Variants in COMMD4 observed in about 807,000 individuals in gnomAD.
COMMD4 encodes COMM domain containing 4.
A neutral mutation model predicts 27.5 loss-of-function variants in COMMD4; 18 were observed. That is an observed-to-expected ratio of 0.65 (90% CI 0.45 to 0.97). The LOEUF is 0.97. Ranked by LOEUF, COMMD4 falls within the 50% of genes least tolerant of loss-of-function variation. The pLI is 0.00. For synonymous variants in COMMD4, 108 were observed against 108.4 expected (o/e 1.00, Z 0.02); for missense variants, 243 against 250.0 (o/e 0.97, Z 0.19).
At position 75,336,068 on chromosome 15, in the gene COMMD4, C is replaced by A; in HGVS notation, c.-22C>A. 4 of 1,549,694 alleles carry A rather than the reference C, an allele frequency of 2.6e-6. No individual in the cohort carries two copies. Among genetic ancestry groups the A allele is most frequent in the African/African-American group, 1.4e-5 (1 of 73,094 alleles). On this transcript the variant is annotated 5_prime_UTR_variant, in exon 1 of 8. Transcript: ENST00000267935. ...CTGCGGGACCGGAAAAAGAAATTCC[C>A]GGGCCCTGGCTTCTTGGCGCGATGG...
In COMMD4 at chr15:75,339,066, C is replaced by T; in HGVS notation, c.263C>T (p.Ser88Phe). ...SAAKHSVDGE[S>F]LSSELQQLGL... is the part of the protein sequence containing the mutation. Reference sequence around the variant, plus strand: ...GCCAAGCACAGTGTCGATGGCGAATCCTTGTCCAGTGAACTGCAGCAGCTG... The same window carrying T: ...GCCAAGCACAGTGTCGATGGCGAATTCTTGTCCAGTGAACTGCAGCAGCTG... The change falls in exon 5 of 8, where the codon TCC (serine) becomes TTC (phenylalanine). Residue 88 changes from serine to phenylalanine, a missense_variant. Ser to Phe is a radical substitution (Grantham distance 155). Transcript: ENST00000267935. The T allele has an allele frequency of 6.2e-7, 1 of 1,613,782 alleles. No individual in the cohort carries two copies. Among genetic ancestry groups the T allele is most frequent in the Admixed American group, 1.7e-5 (1 of 60,028 alleles).
Position 75,336,064 on chromosome 15 carries a change from T to C in COMMD4, c.-26T>C. ...GACCCTGCGGGACCGGAAAAAGAAA[T>C]TCCCGGGCCCTGGCTTCTTGGCGCG... is the stretch of plus-strand genomic sequence containing the variant. On this transcript the variant is annotated 5_prime_UTR_variant, in exon 1 of 8. Coordinates refer to ENST00000267935, the MANE Select transcript of COMMD4 (RefSeq NM_017828.5). 1 of 1,549,566 alleles carries C rather than the reference T, an allele frequency of 6.5e-7. No homozygotes were observed. The highest frequency in any genetic ancestry group is 8.7e-7 in the Non-Finnish European group (1 of 1,146,784).
In COMMD4 at chr15:75,339,358, C is replaced by T. The variant is rs1373810930; in HGVS notation, c.382+14C>T. On this transcript the variant is annotated intron_variant, in intron 6 of 7. Transcript: ENST00000267935. ...GCAGCCTACGCAGTAAGTATGAGGC[C>T]AGCCAGGGTCCGGGCTCATTCTAGA... The T allele has an allele frequency of 1.2e-6, 2 of 1,609,466 alleles. No individual in the cohort carries two copies. Among genetic ancestry groups the T allele is most frequent in the African/African-American group, 1.3e-5 (1 of 74,912 alleles).
At position 75,340,189 on chromosome 15, in the gene COMMD4, T is replaced by C; in HGVS notation, c.*184T>C. The C allele has an allele frequency of 1.6e-6, 1 of 614,386 alleles. No homozygotes were observed. The highest frequency in any genetic ancestry group is 2.8e-6 in the Non-Finnish European group (1 of 352,522). 38.1% of individuals were successfully genotyped at this position (614,386 alleles called of 1,614,324 possible). On this transcript the variant is annotated 3_prime_UTR_variant, in exon 8 of 8. Transcript: ENST00000267935. Reference sequence around the variant, plus strand: ...ACTTGGCTCAGGGCTCCTGAGGACCTTTCCCAGCATTACCTTCCCTTCCCT... The same window carrying C: ...ACTTGGCTCAGGGCTCCTGAGGACCCTTCCCAGCATTACCTTCCCTTCCCT...
chr15:75,342,457 G>C (rs550132015), downstream of COMMD4: 1 of 152,322 alleles, frequency 6.6e-6, no homozygotes, highest in African/African-American at 2.4e-5. Flanking sequence ...AGGATTGCTT[G>C]AGCCAGGGCG....
intron 1 of COMMD4, chr15:75,336,341 G>C: frequency 7.5e-7 from 1 of 1,329,246 alleles, no homozygotes; most frequent in Non-Finnish European, 9.9e-7. Context: ...CTGGCGGAAG[G>C]AAGGGCCCCT....
intron 1 of COMMD4, chr15:75,337,850 G>A (rs1455424300): frequency 1.7e-6 from 1 of 600,424 alleles, no homozygotes; most frequent in East Asian, 2.8e-5. Context: ...ATGAATGCCT[G>A]GAGTAGACCT....
chr15:75,339,495 C>T (rs1595841540), intron 6 of COMMD4, 151 bp downstream of exon 6: 2 of 1,303,322 alleles, frequency 1.5e-6, no homozygotes, highest in African/African-American at 1.5e-5. Context: ...CTCCTGACTC[C>T]CCACAAGGTT....
At position 75,339,160 on chromosome 15, in the gene COMMD4, G is replaced by T. The variant is rs1048255496; in HGVS notation, c.301+56G>T. 1.9e-5 allele frequency: 30 copies of T among 1,612,166 alleles called. No homozygotes were observed. The African/African-American group carries it at 1.9e-4, about 10-fold the overall frequency. On this transcript the variant is annotated intron_variant, in intron 5 of 7. Transcript: ENST00000267935. ...CTGTGGGCCAAGGGCTGCTAGAGAAGGGGACAGGCCCTGTGACCCTGAGGT... is the reference window on the plus strand; with the variant it reads ...CTGTGGGCCAAGGGCTGCTAGAGAATGGGACAGGCCCTGTGACCCTGAGGT...
At chr15:75,338,565 C>G in intron 3 of COMMD4, 81 bp from the exon 4 acceptor site, 1 of 1,587,654 alleles carries the variant, frequency 6.3e-7, no homozygotes, top group Non-Finnish European at 8.6e-7. Flanking sequence ...CCTGTCTGTT[C>G]CTTATCGCAG....
chr15:75,340,500 G>A (rs1163929220), downstream of COMMD4, among the ~76,000 whole-genome samples: 1 of 152,134 alleles, frequency 6.6e-6, no homozygotes, highest in African/African-American at 2.4e-5. Flanking sequence ...TGCTGTCTTT[G>A]CCCCCTGGCC....
rs924476864 is a variant in COMMD4 at position 75,339,767 on chromosome 15, G to T, written c.448G>T (p.Val150Leu). The change falls in exon 7 of 8, where the codon GTG (valine) becomes TTG (leucine). Residue 150 changes from valine to leucine, a missense_variant. Coordinates refer to ENST00000267935, the MANE Select transcript of COMMD4 (RefSeq NM_017828.5). ...YTLSSSLLQS[V>L]EEPMVHLRLE... ...CCTGAGCTCCAGCCTGCTGCAATCC[G>T]TGGAAGAGCCCATGGTGCACCTGCG... is the stretch of plus-strand genomic sequence containing the variant. The T allele has an allele frequency of 1.2e-6, 2 of 1,613,888 alleles. No homozygotes were observed. Among genetic ancestry groups the T allele is most frequent in the Non-Finnish European group, 1.7e-6 (2 of 1,179,960 alleles).
Position 75,339,325 on chromosome 15 carries a change from G to C in COMMD4, c.363G>C (p.Leu121Phe). Residue 121 changes from leucine (L) to phenylalanine (F), a missense_variant, in exon 6 of 8, where the codon TTG becomes TTC. Leu to Phe is a conservative substitution (Grantham distance 22, BLOSUM62 0). Coordinates refer to ENST00000267935, the MANE Select transcript of COMMD4 (RefSeq NM_017828.5). ...AGCAAAGCCCCTTGCAGAAGCACTT[G>C]CGGGTCTGCAGCCTACGCAGTAAGT... ...EEKQSPLQKH[L>F]RVCSLRMNRL... 1.9e-6 allele frequency: 3 copies of C among 1,611,792 alleles called. No homozygotes were observed. Among genetic ancestry groups the C allele is most frequent in the Non-Finnish European group, 2.5e-6 (3 of 1,179,828 alleles).
chr15:75,339,477 C>A, intron 6 of COMMD4, 133 bp downstream of exon 6: 1 of 1,391,008 alleles, frequency 7.2e-7, no homozygotes. Context: ...TGGGACCTGG[C>A]CCTGGGTCTC....
intron 6 of COMMD4, 177 bp downstream of exon 6, chr15:75,339,521 C>A: frequency 8.6e-7 from 1 of 1,160,178 alleles, no homozygotes; most frequent in Non-Finnish European, 1.2e-6. Context: ...TCACTGAGGT[C>A]TGCTGTGGGT....
Position 75,339,744 on chromosome 15 carries a change from T to A in COMMD4, c.425T>A (p.Leu142Gln), listed in dbSNP as rs773659227. 6.2e-7 allele frequency: 1 copy of A among 1,612,332 alleles called. No individual in the cohort carries two copies. The highest frequency in any genetic ancestry group is 1.7e-5 in the Admixed American group (1 of 59,918). Residue 142 changes from leucine to glutamine, a missense_variant, in exon 7 of 8, where the codon CTG becomes CAG. Coordinates refer to ENST00000267935, the MANE Select transcript of COMMD4 (RefSeq NM_017828.5). ...AGVGWRVDYT[L>Q]SSSLLQSVEE... is the part of the protein sequence containing the mutation. ...GTGGGCTGGCGGGTGGACTACACCC[T>A]GAGCTCCAGCCTGCTGCAATCCGTG... is the stretch of plus-strand genomic sequence containing the variant.
At position 75,338,986 on chromosome 15, in the gene COMMD4, G is replaced by A. The variant is rs1183491358; in HGVS notation, c.183G>A (p.Glu61=). 1 of 1,613,822 alleles carries A rather than the reference G, an allele frequency of 6.2e-7. No homozygotes were observed. Among genetic ancestry groups the A allele is most frequent in the African/African-American group, 1.3e-5 (1 of 74,934 alleles). ...ILKLTADAKF[E]SGDVKATVAV... ...CTGCCCCACCCACGGGTCCCTCAGAGTCAGGCGATGTGAAGGCCACAGTGG... is the reference window on the plus strand; with the variant it reads ...CTGCCCCACCCACGGGTCCCTCAGAATCAGGCGATGTGAAGGCCACAGTGG... The change falls in exon 5 of 8, where the codon GAG becomes GAA. Residue 61 remains glutamate (E), a splice_region_variant and synonymous_variant. Coordinates refer to ENST00000267935, the MANE Select transcript of COMMD4 (RefSeq NM_017828.5).
At chr15:75,338,179 G>A (rs759455126) in intron 2 of COMMD4, 46 bp downstream of exon 2, 2 of 1,551,710 alleles carry the variant, frequency 1.3e-6, no homozygotes, top group African/African-American at 1.4e-5. Context: ...GGTGTTGGGG[G>A]TGGGGATTGT....
At chr15:75,341,448 T>TA (rs1257350350), downstream of COMMD4, 1 of 152,156 alleles carries the variant, frequency 6.6e-6, no homozygotes, top group Non-Finnish European at 1.5e-5. Flanking sequence ...AAGAGATACT[T>TA]ACTGACTCCA....
Sources: allele counts gnomAD v4.1 joint callset (sites outside exome capture counted in the v4.1 genomes callset), GRCh38; gene constraint gnomAD v4.1.1; transcripts MANE v1.5; gene names NCBI Gene and HGNC (gene_info 2026-07-23, HGNC 2026-07-21).